The following RAB21 variants were observed in gnomAD, a reference collection of about 807,000 sequenced individuals.
RAB21 encodes ras-related protein Rab-21.
RAB21 carries 13 observed loss-of-function variants against 33.1 expected under a neutral mutation model. The observed-to-expected ratio is 0.39, with a 90% confidence interval of 0.26 to 0.62. The LOEUF is 0.62. Ranked by LOEUF, RAB21 falls within the 20% of genes least tolerant of loss-of-function variation. RAB21 has a pLI of 0.48. For missense variants in RAB21, 234 were observed against 279.1 expected, an observed-to-expected ratio of 0.84 and a Z score of 1.15; for synonymous variants, 91 against 103.7, an observed-to-expected ratio of 0.88 and a Z score of 0.74.
intron 4 of RAB21, among the ~76,000 whole-genome samples, chr12:71,779,209 G>C (rs969034935): frequency 3.3e-5 from 5 of 152,070 alleles, no homozygotes; most frequent in African/African-American, 1.2e-4. Flanking sequence ...CCTTTAATCC[G>C]AGCATTTAGG....
rs1437449435 is a variant in RAB21, at chr12:71,796,157, T to C, written c.*10484T>C. 3 of 137,014 alleles carry C rather than the reference T, an allele frequency of 2.2e-5. 1 individual carries two copies. Among genetic ancestry groups the C allele is most frequent in the Admixed American group, 7.5e-5 (1 of 13,348 alleles). 8.5% of individuals were successfully genotyped at this position (137,014 alleles called of 1,614,324 possible). A position where few individuals can be genotyped will look rare whatever the true frequency, so the allele number is the denominator to read the frequency against. On this transcript the variant is annotated 3_prime_UTR_variant, in exon 7 of 7. Coordinates refer to ENST00000261263, the MANE Select transcript of RAB21 (RefSeq NM_014999.4). ...GCCTCTGTGGTATACACACAGACAATGTAAAATCCAAGAAATATAAGGTCC... is the reference window on the plus strand; with the variant it reads ...GCCTCTGTGGTATACACACAGACAACGTAAAATCCAAGAAATATAAGGTCC...
chr12:71,766,226 G>A (rs1400176150), intron 1 of RAB21, among the ~76,000 whole-genome samples: 1 of 152,076 alleles, frequency 6.6e-6, no homozygotes, highest in South Asian at 2.1e-4. Flanking sequence ...TGTCAATTAT[G>A]GGCAGGGTAC....
Position 71,755,079 on chromosome 12 carries a change from T to C in RAB21, c.-51T>C, listed in dbSNP as rs1361438126. 1 of 1,052,482 alleles carries C rather than the reference T, an allele frequency of 9.5e-7. No individual in the cohort carries two copies. The highest frequency in any genetic ancestry group is 1.1e-6 in the Non-Finnish European group (1 of 876,282). 65.2% of individuals were successfully genotyped at this position (1,052,482 alleles called of 1,614,324 possible). On this transcript the variant is annotated 5_prime_UTR_variant, in exon 1 of 7. Coordinates refer to ENST00000261263, the MANE Select transcript of RAB21 (RefSeq NM_014999.4). The stretch of plus-strand genomic sequence containing the variant: ...GTGGCTGTGAAGGCGCTGCCGCGGC[T>C]GTCGGGAGGGCGGCGCGACACTCGG...
rs1328721998 is a variant in RAB21 at position 71,758,645 on chromosome 12, T to TC, written c.159+3357_159+3358insC. ...ACAGGCGTGCGCCACCATGCTCGGCTAATTTTTTTTTTTTGGTAGAGTTGA... is the reference window on the plus strand; with the variant it reads ...ACAGGCGTGCGCCACCATGCTCGGCTCAATTTTTTTTTTTTGGTAGAGTTGA... On this transcript the variant is annotated intron_variant, in intron 1 of 6. Coordinates refer to ENST00000261263, the MANE Select transcript of RAB21 (RefSeq NM_014999.4). Among the ~76,000 whole-genome samples, 172 of 63,464 alleles carry TC rather than the reference T, an allele frequency of 2.7e-3. 1 individual carries two copies. Among genetic ancestry groups the TC allele is most frequent in the African/African-American group, 6.7e-3 (163 of 24,502 alleles). The allele number at this position is 63,464 out of a possible 152,430, so 41.6% of individuals were successfully genotyped here. A position where few individuals can be genotyped will look rare whatever the true frequency, so the allele number is the denominator to read the frequency against.
intron 1 of RAB21, among the ~76,000 whole-genome samples, chr12:71,769,542 G>A (rs1565888080): frequency 6.6e-6 from 1 of 151,862 alleles, no homozygotes; most frequent in African/African-American, 2.4e-5. Flanking sequence ...CATAGATAAG[G>A]AAAAATATTA....
chr12:71,776,893 G>A (rs1883128175), intron 4 of RAB21, among the ~76,000 whole-genome samples: 1 of 152,084 alleles, frequency 6.6e-6, no homozygotes, highest in Non-Finnish European at 1.5e-5. Flanking sequence ...CCTTCTACAA[G>A]TATTTTTGAG....
At chr12:71,764,603 C>G (rs549425900) in intron 1 of RAB21, among the ~76,000 whole-genome samples, 4 of 152,064 alleles carry the variant, frequency 2.6e-5, no homozygotes, top group Admixed American at 2.6e-4. Context: ...ATCCCATACC[C>G]TCCTCCAAAC....
At position 71,797,934 on chromosome 12, in the gene RAB21, T is replaced by C. The variant is rs1179789364; in HGVS notation, c.*12261T>C. 1 of 152,118 alleles carries C rather than the reference T, an allele frequency of 6.6e-6. No homozygotes were observed. Among genetic ancestry groups the C allele is most frequent in the Non-Finnish European group, 1.5e-5 (1 of 68,030 alleles). 9.4% of individuals were successfully genotyped at this position (152,118 alleles called of 1,614,324 possible). A position where few individuals can be genotyped will look rare whatever the true frequency, so the allele number is the denominator to read the frequency against. ...ACCAAAATGCATTCCAGTTTAAATA[T>C]GAAAACTGAAATGTTTAAAGTACCC... is the stretch of plus-strand genomic sequence containing the variant. On this transcript the variant is annotated 3_prime_UTR_variant, in exon 7 of 7. Transcript: ENST00000261263.
intron 3 of RAB21, among the ~76,000 whole-genome samples, chr12:71,771,830 G>C (rs1355723869): frequency 6.6e-6 from 1 of 152,010 alleles, no homozygotes; most frequent in African/African-American, 2.4e-5. Flanking sequence ...AAAAAAATTA[G>C]CTGGGTTTGG....
chr12:71,793,560 T>C lies in RAB21; in HGVS notation c.*7887T>C, dbSNP rs1287166741. 3.9e-5 allele frequency: 6 copies of C among 152,220 alleles called. No individual in the cohort carries two copies. Among genetic ancestry groups the C allele is most frequent in the African/African-American group, 1.4e-4 (6 of 41,450 alleles). The allele number at this position is 152,220 out of a possible 1,614,324, so 9.4% of individuals were successfully genotyped here. On this transcript the variant is annotated 3_prime_UTR_variant, in exon 7 of 7. Transcript: ENST00000261263. ...CACAAACTATCCCATTAGTTGGTTA[T>C]ACACAAGTTACTTTCATTCTTACTA...
chr12:71,767,901 C>T (rs1882985569), intron 1 of RAB21, among the ~76,000 whole-genome samples: 1 of 151,888 alleles, frequency 6.6e-6, no homozygotes, highest in African/African-American at 2.4e-5. Flanking sequence ...GATATTGAAA[C>T]CATGAAAATG....
intron 6 of RAB21, among the ~76,000 whole-genome samples, chr12:71,784,384 A>G (rs1233640198): frequency 2.0e-5 from 3 of 152,186 alleles, no homozygotes; most frequent in Non-Finnish European, 4.4e-5. Context: ...CCAAAGTCAC[A>G]AAAATTTTCT....
chr12:71,777,828 A>G (rs976291120), intron 4 of RAB21, among the ~76,000 whole-genome samples: 4 of 152,182 alleles, frequency 2.6e-5, no homozygotes, highest in Admixed American at 2.6e-4. Flanking sequence ...AATAAACCAT[A>G]GAATCCAAAT....
At position 71,782,097 on chromosome 12, in the gene RAB21, G is replaced by A. The variant is rs769365361; in HGVS notation, c.446+12G>A. On this transcript the variant is annotated intron_variant, in intron 5 of 6. Coordinates refer to ENST00000261263, the MANE Select transcript of RAB21 (RefSeq NM_014999.4). ...CAAGAAGCAGAGTCGTAAGTACTGTGACCCTCCCATTCCCCATCACTCCCT... is the reference window on the plus strand; with the variant it reads ...CAAGAAGCAGAGTCGTAAGTACTGTAACCCTCCCATTCCCCATCACTCCCT... 2 of 1,602,712 alleles carry A rather than the reference G, an allele frequency of 1.2e-6. No individual in the cohort carries two copies. The highest frequency in any genetic ancestry group is 1.3e-5 in the African/African-American group (1 of 74,642).
chr12:71,772,405 G>A (rs1883056885), intron 3 of RAB21, among the ~76,000 whole-genome samples: 1 of 152,204 alleles, frequency 6.6e-6, no homozygotes, highest in African/African-American at 2.4e-5. Context: ...TGTCAAAGCA[G>A]GTTACAAGGC....
intron 1 of RAB21, among the ~76,000 whole-genome samples, chr12:71,767,428 T>C (rs190321371): frequency 6.6e-6 from 1 of 152,304 alleles, no homozygotes; most frequent in Non-Finnish European, 1.5e-5. Flanking sequence ...TGTTCAAGCA[T>C]ACTTATTAAA....
At chr12:71,757,274 A>T (rs1189117400) in intron 1 of RAB21, among the ~76,000 whole-genome samples, 1 of 151,930 alleles carries the variant, frequency 6.6e-6, no homozygotes, top group Non-Finnish European at 1.5e-5. Flanking sequence ...CATCTGGCTA[A>T]TTTTTTTGTA....
At position 71,775,729 on chromosome 12, in the gene RAB21, G is replaced by C. The variant is rs1284794027; in HGVS notation, c.391+1707G>C. Among the ~76,000 whole-genome samples, 3 of 151,970 alleles carry C rather than the reference G, an allele frequency of 2.0e-5. No homozygotes were observed. In the East Asian group the frequency reaches 5.8e-4, roughly 29 times the overall value. ...TTTTTGTATTTTTAGTAGAGACAGG[G>C]TTTCACCATATTGGCCAGGCTGTTC... On this transcript the variant is annotated intron_variant, in intron 4 of 6. Transcript: ENST00000261263.
rs1883471369 is a variant in RAB21 at position 71,796,979 on chromosome 12, T to C, written c.*11306T>C. The C allele has an allele frequency of 6.6e-6, 1 of 152,206 alleles. No individual in the cohort carries two copies. Among genetic ancestry groups the C allele is most frequent in the Admixed American group, 6.5e-5 (1 of 15,284 alleles). 9.4% of individuals were successfully genotyped at this position (152,206 alleles called of 1,614,324 possible). A position where few individuals can be genotyped will look rare whatever the true frequency, so the allele number is the denominator to read the frequency against. On this transcript the variant is annotated 3_prime_UTR_variant, in exon 7 of 7. Coordinates refer to ENST00000261263, the MANE Select transcript of RAB21 (RefSeq NM_014999.4). ...GTTTTTATTTCATTTGTGGGTGGTA[T>C]TGAGAAAAGTGGTGGAAATAAATAC...
Sources: gnomAD v4.1 joint callset for allele counts (sites outside exome capture counted in the v4.1 genomes callset) on GRCh38, gnomAD v4.1.1 for gene constraint, MANE v1.5 for transcripts, NCBI Gene and HGNC (gene_info 2026-07-23, HGNC 2026-07-21) for gene names.